The following ZNF486 variants were observed in gnomAD, a reference collection of about 807,000 sequenced individuals.
ZNF486 encodes the protein KRAB box only protein 2.
A neutral mutation model predicts 12.8 loss-of-function variants in ZNF486; 12 were observed. The ratio of observed to expected loss-of-function variants is 0.94; its 90% CI spans 0.60 to 1.52. ZNF486 has a LOEUF of 1.52. Ranked by LOEUF, ZNF486 falls within the 40% of genes most tolerant of loss-of-function variation. The pLI, the probability that ZNF486 is intolerant of heterozygous loss-of-function variation, is 0.00. For synonymous variants in ZNF486, 231 were observed against 184.9 expected, an observed-to-expected ratio of 1.25 and a Z score of -2.02; for missense variants, 738 against 545.0, an observed-to-expected ratio of 1.35 and a Z score of -3.53.
intron 3 of ZNF486, among the ~76,000 whole-genome samples, chr19:20,195,006 C>T (rs782817042): frequency 3.3e-5 from 5 of 151,384 alleles, no homozygotes; most frequent in Non-Finnish European, 7.4e-5. Flanking sequence ...TTATAGTTGT[C>T]TGGGTTTCTA....
At chr19:20,195,201 C>T (rs543532124) in intron 3 of ZNF486, among the ~76,000 whole-genome samples, 390 of 152,178 alleles carry the variant, frequency 2.6e-3, no homozygotes, top group Non-Finnish European at 2.6e-3. Flanking sequence ...GACAGTGTTG[C>T]TCTGTTTCCC....
chr19:20,197,863 A>C lies in ZNF486; in HGVS notation c.1153A>C (p.Lys385Gln), dbSNP rs1555718325. Reference sequence around the variant, plus strand: ...ACCATACAAATGTGAAGAATGTGGCAAAGCCTTTACATGGTCTGCAGGCCT... The same window carrying C: ...ACCATACAAATGTGAAGAATGTGGCCAAGCCTTTACATGGTCTGCAGGCCT... Reference protein sequence around the residue: ...EKPYKCEECGKAFTWSAGLHK... With the variant: ...EKPYKCEECGQAFTWSAGLHK... The change falls in exon 4 of 4, where the codon AAA becomes CAA. Residue 385 changes from lysine to glutamine, a missense_variant. By Grantham distance (53) the Lys-to-Gln change is moderately conservative. Coordinates refer to ENST00000335117, the MANE Select transcript of ZNF486 (RefSeq NM_052852.4). The C allele has an allele frequency of 6.2e-7, 1 of 1,613,500 alleles. No homozygotes were observed. Among genetic ancestry groups the C allele is most frequent in the Admixed American group, 1.7e-5 (1 of 60,012 alleles).
chr19:20,173,120 C>T (rs1235731868), intron 1 of ZNF486, among the ~76,000 whole-genome samples: 1 of 152,164 alleles, frequency 6.6e-6, no homozygotes, highest in African/African-American at 2.4e-5. Flanking sequence ...TGGGTAGCTT[C>T]CTCATGAAGT....
chr19:20,196,168 C>T (rs1386986889), intron 3 of ZNF486, among the ~76,000 whole-genome samples: 3 of 152,110 alleles, frequency 2.0e-5, no homozygotes, highest in Non-Finnish European at 4.4e-5. Flanking sequence ...GTAACTGTAA[C>T]CATGCCTGGC....
At chr19:20,176,915 T>G (rs1282745856) in intron 1 of ZNF486, 2 of 152,300 alleles carry the variant, frequency 1.3e-5, no homozygotes, top group African/African-American at 4.8e-5. Context: ...CTTTTGGAGC[T>G]ATCTCTATCT....
intron 3 of ZNF486, among the ~76,000 whole-genome samples, chr19:20,194,332 A>G (rs553488631): frequency 3.3e-5 from 5 of 152,234 alleles, no homozygotes; most frequent in Admixed American, 1.3e-4. Flanking sequence ...TTGGTAGTAC[A>G]ATTTTGCTGA....
At position 20,198,928 on chromosome 19, in the gene ZNF486, T is replaced by A. The variant is rs1346433599; in HGVS notation, c.*826T>A. ...TTTCCCAACACCTCCAACTTTTCTATGCATAAAAAAAATTATACTACACCA... is the reference window on the plus strand; with the variant it reads ...TTTCCCAACACCTCCAACTTTTCTAAGCATAAAAAAAATTATACTACACCA... On this transcript the variant is annotated 3_prime_UTR_variant, in exon 4 of 4. Transcript: ENST00000335117. 1 of 150,526 alleles carries A rather than the reference T, an allele frequency of 6.6e-6. No homozygotes were observed. The highest frequency in any genetic ancestry group is 1.5e-5 in the Non-Finnish European group (1 of 68,020). 9.3% of individuals were successfully genotyped at this position (150,526 alleles called of 1,614,324 possible). A position where few individuals can be genotyped will look rare whatever the true frequency, so the allele number is the denominator to read the frequency against.
In ZNF486 at chr19:20,175,730, T is replaced by C. The variant is rs575663795; in HGVS notation, c.30+8370T>C. Among the ~76,000 whole-genome samples, 7 of 152,328 alleles carry C rather than the reference T, an allele frequency of 4.6e-5. No individual in the cohort carries two copies. The South Asian group carries it at 1.5e-3, about 32-fold the overall frequency. ...AAATGAAAAGTCTCCCATGTCTACT[T>C]CTTTCTACACAGACACGGCAACCAT... On this transcript the variant is annotated intron_variant, in intron 1 of 3. Transcript: ENST00000335117.
chr19:20,186,708 T>G (rs553906496), intron 3 of ZNF486, among the ~76,000 whole-genome samples: 1 of 152,100 alleles, frequency 6.6e-6, no homozygotes, highest in Non-Finnish European at 1.5e-5. Flanking sequence ...GATAGGAGGT[T>G]TATTGAATCT....
At chr19:20,171,512 G>A (rs527327208) in intron 1 of ZNF486, among the ~76,000 whole-genome samples, 15 of 152,088 alleles carry the variant, frequency 9.9e-5, no homozygotes, top group Non-Finnish European at 2.2e-4. Flanking sequence ...CAAGTCTACT[G>A]GCATGTCTCC....
chr19:20,195,889 A>T (rs2089953369), intron 3 of ZNF486, among the ~76,000 whole-genome samples: 1 of 151,290 alleles, frequency 6.6e-6, no homozygotes, highest in Non-Finnish European at 1.5e-5. Context: ...GTATATCACC[A>T]TTTTTTTTTA....
In ZNF486 at chr19:20,200,188, T is replaced by TGC. The variant is rs1356267050; in HGVS notation, c.*2087_*2088insCG. 1 of 152,190 alleles carries TGC rather than the reference T, an allele frequency of 6.6e-6. No homozygotes were observed. 9.4% of individuals were successfully genotyped at this position (152,190 alleles called of 1,614,324 possible). A position where few individuals can be genotyped will look rare whatever the true frequency, so the allele number is the denominator to read the frequency against. On this transcript the variant is annotated 3_prime_UTR_variant, in exon 4 of 4. Transcript: ENST00000335117. ...TTATTTTATTCTTATTGTATTCACA[T>TGC]GTGAAAGCATGTGATCAATTTTTGC... is the stretch of plus-strand genomic sequence containing the variant.
chr19:20,187,336 C>A (rs782741126), intron 3 of ZNF486, among the ~76,000 whole-genome samples: 2 of 151,884 alleles, frequency 1.3e-5, no homozygotes, highest in Non-Finnish European at 2.9e-5. Flanking sequence ...CTACAAACAG[C>A]GACTTTTTAC....
intron 1 of ZNF486, among the ~76,000 whole-genome samples, chr19:20,174,381 T>TTTTC (rs144184808): frequency 2.6e-5 from 4 of 151,538 alleles, no homozygotes; most frequent in East Asian, 1.9e-4. Context: ...AGTATTTTGT[T>TTTTC]TTTCTTTCTT....
At chr19:20,175,948 G>A (rs1209505378) in intron 1 of ZNF486, among the ~76,000 whole-genome samples, 2 of 150,716 alleles carry the variant, frequency 1.3e-5, no homozygotes, top group African/African-American at 4.9e-5. Flanking sequence ...GGGGCGGCTG[G>A]CCGGGCAGGG....
At chr19:20,182,176 T>C (rs568419417) in intron 1 of ZNF486, among the ~76,000 whole-genome samples, 1 of 152,318 alleles carries the variant, frequency 6.6e-6, no homozygotes, top group South Asian at 2.1e-4. Flanking sequence ...GTTCCTGCTT[T>C]CTCTAACTAA....
chr19:20,184,524 A>T (rs541452432), intron 2 of ZNF486, 42 bp downstream of exon 2: 1 of 1,535,388 alleles, frequency 6.5e-7, no homozygotes, highest in South Asian at 1.3e-5. Flanking sequence ...AAACCCCAAA[A>T]GTTTTATTTC....
In ZNF486 at chr19:20,182,935, G is replaced by A. The variant is rs563778677; in HGVS notation, c.31-1421G>A. 8.7e-4 allele frequency among the ~76,000 whole-genome samples: 133 copies of A among 152,194 alleles called. 1 individual carries two copies. The highest frequency in any genetic ancestry group is 2.4e-3 in the African/African-American group (99 of 41,510). On this transcript the variant is annotated intron_variant, in intron 1 of 3. Coordinates refer to ENST00000335117, the MANE Select transcript of ZNF486 (RefSeq NM_052852.4). ...AAAAGTGGCTCTTCTTAAGGTAAAC[G>A]TGTCTCAGATGAAGAGCTGTGTCCA...
chr19:20,181,423 C>A (rs1287801139), intron 1 of ZNF486, among the ~76,000 whole-genome samples: 2 of 151,762 alleles, frequency 1.3e-5, no homozygotes, highest in Non-Finnish European at 2.9e-5. Context: ...CCTGTAGTCC[C>A]AGCTACTGAG....
Sources: gnomAD v4.1 joint callset for allele counts (sites outside exome capture counted in the v4.1 genomes callset) on GRCh38, gnomAD v4.1.1 for gene constraint, MANE v1.5 for transcripts, NCBI Gene and HGNC (gene_info 2026-07-23, HGNC 2026-07-21) for gene names.